Variants in LRRC4C observed in about 807,000 individuals in gnomAD.
The protein encoded by LRRC4C is leucine-rich repeat-containing protein 4C.
A neutral mutation model predicts 33.6 loss-of-function variants in LRRC4C; 5 were observed. The observed-to-expected ratio is 0.15, with a 90% CI of 0.08 to 0.31. The LOEUF is 0.31. Among genes scored for constraint, LRRC4C ranks in the 10% least tolerant of loss-of-function variants. LRRC4C has a pLI of 1.00. For missense variants in LRRC4C, 560 were observed against 796.7 expected, an observed-to-expected ratio of 0.70 and a Z score of 3.58; for synonymous variants, 329 against 302.0, an observed-to-expected ratio of 1.09 and a Z score of -0.93.
chr11:40,421,538 C>G (rs902296609), intron 3 of LRRC4C, among the ~76,000 whole-genome samples: 2 of 152,216 alleles, frequency 1.3e-5, no homozygotes, highest in Non-Finnish European at 2.9e-5. Context: ...ATCCATCATT[C>G]AAGACCAGCA....
chr11:41,149,001 C>G (rs535253706), intron 1 of LRRC4C, among the ~76,000 whole-genome samples: 20 of 152,272 alleles, frequency 1.3e-4, no homozygotes, highest in Admixed American at 7.8e-4. Flanking sequence ...GGCCAATTGT[C>G]TCAAGTGGTC....
chr11:41,397,103 G>A (rs766524721), intron 1 of LRRC4C, among the ~76,000 whole-genome samples: 6 of 151,916 alleles, frequency 3.9e-5, no homozygotes, highest in Non-Finnish European at 7.4e-5. Context: ...GCAAACCCAC[G>A]CTGTCTCATT....
At chr11:40,839,770 C>A (rs1286755728) in intron 2 of LRRC4C, among the ~76,000 whole-genome samples, 1 of 152,078 alleles carries the variant, frequency 6.6e-6, no homozygotes, top group Non-Finnish European at 1.5e-5. Context: ...GGTCACTTAC[C>A]AAGTGGAATG....
intron 2 of LRRC4C, among the ~76,000 whole-genome samples, chr11:40,696,640 T>C (rs972595578): frequency 2.7e-5 from 4 of 149,238 alleles, no homozygotes; most frequent in Non-Finnish European, 5.9e-5. Context: ...ATGGGGACAG[T>C]CTGTTTTAAG....
At chr11:40,336,687 G>A (rs925967383) in intron 3 of LRRC4C, among the ~76,000 whole-genome samples, 4 of 152,046 alleles carry the variant, frequency 2.6e-5, no homozygotes, top group Admixed American at 1.3e-4. Flanking sequence ...GCAGAAGAGC[G>A]AATCAGGGGC....
chr11:41,021,528 G>C (rs1855984904), intron 1 of LRRC4C, among the ~76,000 whole-genome samples: 1 of 151,976 alleles, frequency 6.6e-6, no homozygotes, highest in African/African-American at 2.4e-5. Flanking sequence ...TTGATAAGAG[G>C]TTAATACACA....
At chr11:41,059,081 G>C (rs1858860037) in intron 1 of LRRC4C, among the ~76,000 whole-genome samples, 1 of 151,230 alleles carries the variant, frequency 6.6e-6, no homozygotes, top group African/African-American at 2.4e-5. Flanking sequence ...GCAGGGTAAA[G>C]AAAAAAAGAC....
chr11:40,696,439 C>CAT (rs1034313858), intron 2 of LRRC4C, among the ~76,000 whole-genome samples: 1 of 146,328 alleles, frequency 6.8e-6, no homozygotes, highest in African/African-American at 2.5e-5. Flanking sequence ...TATATATATA[C>CAT]ATATATATAT....
chr11:40,903,814 T>C (rs1366774428), intron 2 of LRRC4C, among the ~76,000 whole-genome samples: 1 of 152,174 alleles, frequency 6.6e-6, no homozygotes, highest in Admixed American at 6.5e-5. Flanking sequence ...TATAATTAGA[T>C]TGTTTGTAAG....
At chr11:40,151,732 T>C (rs1858230356) in intron 5 of LRRC4C, among the ~76,000 whole-genome samples, 1 of 152,170 alleles carries the variant, frequency 6.6e-6, no homozygotes, top group South Asian at 2.1e-4. Flanking sequence ...TGGAAGCCTA[T>C]ACTTTTGGAT....
chr11:40,992,025 T>C (rs1282953248), intron 1 of LRRC4C, among the ~76,000 whole-genome samples: 2 of 152,186 alleles, frequency 1.3e-5, no homozygotes, highest in African/African-American at 2.4e-5. Flanking sequence ...CATTGGTATG[T>C]TTTCATATTT....
intron 1 of LRRC4C, among the ~76,000 whole-genome samples, chr11:41,066,175 G>C (rs1361739852): frequency 6.6e-6 from 1 of 152,054 alleles, no homozygotes; most frequent in Non-Finnish European, 1.5e-5. Context: ...ATTGATAAAA[G>C]GTTACAGGAA....
intron 3 of LRRC4C, among the ~76,000 whole-genome samples, chr11:40,393,542 G>A (rs1313854937): frequency 6.6e-6 from 1 of 152,040 alleles, no homozygotes; most frequent in African/African-American, 2.4e-5. Flanking sequence ...AAAAACCTAT[G>A]CAATAATTCT....
At chr11:40,136,433 CT>C (rs566193838) in intron 6 of LRRC4C, among the ~76,000 whole-genome samples, 10,296 of 137,934 alleles carry the variant, frequency 0.075, 898 homozygotes, top group African/African-American at 0.22. Flanking sequence ...TGCCCGGCTA[CT>C]TTTTTTTTTT....
At chr11:41,428,930 TA>T (rs377123953) in intron 1 of LRRC4C, among the ~76,000 whole-genome samples, 23 of 151,218 alleles carry the variant, frequency 1.5e-4, no homozygotes, top group African/African-American at 5.3e-4. Context: ...GGGGAGAAGG[TA>T]AAACATCTAC....
intron 3 of LRRC4C, among the ~76,000 whole-genome samples, chr11:40,378,226 C>G (rs1399728070): frequency 6.6e-6 from 1 of 151,906 alleles, no homozygotes; most frequent in African/African-American, 2.4e-5. Flanking sequence ...AGAAATTGAT[C>G]TTTGAATCTT....
At chr11:40,465,989 T>G (rs572758744) in intron 3 of LRRC4C, among the ~76,000 whole-genome samples, 1 of 152,054 alleles carries the variant, frequency 6.6e-6, no homozygotes, top group African/African-American at 2.4e-5. Flanking sequence ...TCAGCACTAT[T>G]CACAAGAGCA....
chr11:40,786,113 A>T (rs1950402875), intron 2 of LRRC4C, among the ~76,000 whole-genome samples: 1 of 152,182 alleles, frequency 6.6e-6, no homozygotes, highest in African/African-American at 2.4e-5. Flanking sequence ...TAGCTCTGGA[A>T]GCTTCTATGC....
chr11:40,874,331 T>C (rs1326126963), intron 2 of LRRC4C, among the ~76,000 whole-genome samples: 1 of 152,274 alleles, frequency 6.6e-6, no homozygotes, highest in East Asian at 1.9e-4. Context: ...CATTTTTTTT[T>C]CCAGTAACTC....
Sources: gnomAD v4.1 joint callset for allele counts (sites outside exome capture counted in the v4.1 genomes callset) on GRCh38, gnomAD v4.1.1 for gene constraint, MANE v1.5 for transcripts, NCBI Gene and HGNC (gene_info 2026-07-23, HGNC 2026-07-21) for gene names.